The following ENTPD1 variants were observed in gnomAD, a reference collection of about 807,000 sequenced individuals.
The protein encoded by ENTPD1 is ectonucleoside triphosphate diphosphohydrolase 1.
A neutral mutation model predicts 57.0 loss-of-function variants in ENTPD1; 33 were observed. That is an observed-to-expected ratio of 0.58 (90% confidence interval 0.44 to 0.77). The LOEUF (loss-of-function observed/expected upper bound fraction) is 0.77. Ranked by LOEUF, ENTPD1 falls within the 30% of genes least tolerant of loss-of-function variation. ENTPD1 has a pLI of 0.00. For missense variants in ENTPD1, 501 were observed against 603.4 expected (o/e 0.83, Z 1.78); for synonymous variants, 202 against 218.8 (o/e 0.92, Z 0.68).
chr10:95,719,071 G>A (rs2097974678), intron 1 of ENTPD1, among the ~76,000 whole-genome samples: 1 of 152,126 alleles, frequency 6.6e-6, no homozygotes, highest in Non-Finnish European at 1.5e-5. Flanking sequence ...TGTCCACACG[G>A]TAAGATCTCT....
At chr10:95,847,200 A>G (rs1197849029) in intron 6 of ENTPD1, among the ~76,000 whole-genome samples, 4 of 152,192 alleles carry the variant, frequency 2.6e-5, no homozygotes, top group African/African-American at 9.7e-5. Context: ...TTCTGGGCCC[A>G]GTTTTAACTA....
chr10:95,867,781 CTGTTGAGCTGA>C lies in ENTPD1; in HGVS notation c.*1401_*1411del. On this transcript the variant is annotated 3_prime_UTR_variant, in exon 10 of 10. Coordinates refer to ENST00000371205, the MANE Select transcript of ENTPD1 (RefSeq NM_001776.6). ...CTCCATCTCTAGATCTGGGGACTGA[CTGTTGAGCTGA>C]TGGGGAAAGAAAAGCTCTCACACAA... The C allele has an allele frequency of 4.1e-6, 4 of 985,432 alleles. No homozygotes were observed. The highest frequency in any genetic ancestry group is 4.8e-6 in the Non-Finnish European group (4 of 829,930). The allele number at this position is 985,432 out of a possible 1,614,324, so 61.0% of individuals were successfully genotyped here. A position where few individuals can be genotyped will look rare whatever the true frequency, so the allele number is the denominator to read the frequency against.
intron 7 of ENTPD1, among the ~76,000 whole-genome samples, chr10:95,856,372 G>C (rs1462347375): frequency 6.6e-6 from 1 of 152,070 alleles, no homozygotes; most frequent in Non-Finnish European, 1.5e-5. Flanking sequence ...TGGTGTAAAG[G>C]GAACACTTTT....
intron 1 of ENTPD1, among the ~76,000 whole-genome samples, chr10:95,785,530 G>A (rs1222133829): frequency 6.6e-6 from 1 of 152,168 alleles, no homozygotes; most frequent in African/African-American, 2.4e-5. Flanking sequence ...AGGACACAAG[G>A]TTGGCCACAA....
intron 1 of ENTPD1, among the ~76,000 whole-genome samples, chr10:95,821,299 G>A (rs1485755531): frequency 6.6e-6 from 1 of 152,186 alleles, no homozygotes; most frequent in African/African-American, 2.4e-5. Context: ...ATGGAAGGAT[G>A]GGCTCAGCAT....
chr10:95,716,009 T>C (rs2139815319), intron 1 of ENTPD1, among the ~76,000 whole-genome samples: 1 of 152,220 alleles, frequency 6.6e-6, no homozygotes, highest in African/African-American at 2.4e-5. Context: ...GGACTACAGA[T>C]GTGTGACACC....
chr10:95,856,482 C>T (rs2098454931), intron 7 of ENTPD1, among the ~76,000 whole-genome samples: 1 of 152,060 alleles, frequency 6.6e-6, no homozygotes, highest in South Asian at 2.1e-4. Flanking sequence ...ATCCAGCAAT[C>T]CCACTACTGG....
At chr10:95,810,529 C>T (rs144444245) in intron 1 of ENTPD1, among the ~76,000 whole-genome samples, 38 of 150,986 alleles carry the variant, frequency 2.5e-4, no homozygotes, top group South Asian at 4.2e-4. Flanking sequence ...GGGTGGTGGC[C>T]GGGCAGAGGC....
chr10:95,798,265 T>A (rs2098234654), intron 1 of ENTPD1, among the ~76,000 whole-genome samples: 1 of 152,096 alleles, frequency 6.6e-6, no homozygotes, highest in East Asian at 1.9e-4. Context: ...TGGAATGGGA[T>A]CAGGAGCCAG....
chr10:95,811,828 A>G (rs1344243093), intron 1 of ENTPD1, among the ~76,000 whole-genome samples: 1 of 152,180 alleles, frequency 6.6e-6, no homozygotes, highest in Non-Finnish European at 1.5e-5. Flanking sequence ...CAGTTGATGG[A>G]CTTTTAGTCA....
intron 1 of ENTPD1, among the ~76,000 whole-genome samples, chr10:95,719,171 C>A (rs1403352053): frequency 6.6e-6 from 1 of 152,248 alleles, no homozygotes; most frequent in Non-Finnish European, 1.5e-5. Context: ...GCCACTACAT[C>A]AATTTCCTTA....
chr10:95,779,300 C>T (rs1347377350), intron 1 of ENTPD1, among the ~76,000 whole-genome samples: 1 of 152,142 alleles, frequency 6.6e-6, no homozygotes, highest in Non-Finnish European at 1.5e-5. Context: ...CCACATCTGC[C>T]ATTCCCCAGC....
chr10:95,831,371 G>A (rs1392630972), intron 2 of ENTPD1, among the ~76,000 whole-genome samples: 1 of 152,198 alleles, frequency 6.6e-6, no homozygotes, highest in Non-Finnish European at 1.5e-5. Context: ...AATCTTCGCT[G>A]TGCTCTTAGG....
intron 7 of ENTPD1, among the ~76,000 whole-genome samples, chr10:95,854,940 C>T (rs957297245): frequency 1.2e-4 from 19 of 152,078 alleles, no homozygotes; most frequent in Non-Finnish European, 8.8e-5. Context: ...CTGTAGATGT[C>T]TATCTATTAG....
Position 95,872,393 on chromosome 10 carries a change from C to G in ENTPD1, c.*6010C>G, listed in dbSNP as rs751797581. The G allele has an allele frequency of 5.1e-6, 5 of 985,478 alleles. No homozygotes were observed. The highest frequency in any genetic ancestry group is 6.0e-6 in the Non-Finnish European group (5 of 829,944). The allele number at this position is 985,478 out of a possible 1,614,324, so 61.0% of individuals were successfully genotyped here. A position where few individuals can be genotyped will look rare whatever the true frequency, so the allele number is the denominator to read the frequency against. On this transcript the variant is annotated 3_prime_UTR_variant, in exon 10 of 10. Transcript: ENST00000371205. Reference sequence around the variant, plus strand: ...GTTTCCTACACTACACTACACTATACTACACTACAGCCAGGTAGAATGACT... The same window carrying G: ...GTTTCCTACACTACACTACACTATAGTACACTACAGCCAGGTAGAATGACT...
intron 1 of ENTPD1, among the ~76,000 whole-genome samples, chr10:95,820,847 C>A (rs1300747822): frequency 1.3e-5 from 2 of 152,112 alleles, no homozygotes; most frequent in South Asian, 2.1e-4. Flanking sequence ...AGAGCAGGGG[C>A]CTTATCAGTT....
intron 1 of ENTPD1, among the ~76,000 whole-genome samples, chr10:95,736,635 C>T (rs2097994935): frequency 6.6e-6 from 1 of 152,088 alleles, no homozygotes; most frequent in Non-Finnish European, 1.5e-5. Flanking sequence ...GATCTCTTCA[C>T]TATTTCTGTG....
chr10:95,739,748 T>G (rs1332149830), intron 1 of ENTPD1, among the ~76,000 whole-genome samples: 4 of 152,232 alleles, frequency 2.6e-5, no homozygotes, highest in Admixed American at 1.3e-4. Flanking sequence ...TAATGGTATC[T>G]AGAATGGTGA....
intron 1 of ENTPD1, among the ~76,000 whole-genome samples, chr10:95,763,179 C>T (rs1276704255): frequency 1.3e-5 from 2 of 152,084 alleles, no homozygotes; most frequent in Non-Finnish European, 2.9e-5. Context: ...CCTGCCTAGG[C>T]CTCCCAAAAT....
Sources: allele counts gnomAD v4.1 joint callset (sites outside exome capture counted in the v4.1 genomes callset), GRCh38; gene constraint gnomAD v4.1.1; transcripts MANE v1.5; gene names NCBI Gene and HGNC (gene_info 2026-07-23, HGNC 2026-07-21).